The following ABL1 variants were observed in gnomAD, a reference collection of about 807,000 sequenced individuals.
ABL1 encodes the protein tyrosine-protein kinase ABL1.
ABL1 carries 11 observed loss-of-function variants against 94.7 expected under a neutral mutation model. The ratio of observed to expected loss-of-function variants is 0.12; its 90% CI spans 0.07 to 0.19. ABL1 has a LOEUF of 0.19. Ranked by LOEUF, ABL1 falls within the 10% of genes least tolerant of loss-of-function variation. The pLI is 1.00. For synonymous variants in ABL1, 656 were observed against 622.4 expected, an observed-to-expected ratio of 1.05 and a Z score of -0.80; for missense variants, 1,082 against 1,489.4, an observed-to-expected ratio of 0.73 and a Z score of 4.50.
In ABL1 at chr9:130,863,579, C is replaced by T. The variant is rs1287449597; in HGVS notation, c.822+544C>T. Among the ~76,000 whole-genome samples, 1 of 152,188 alleles carries T rather than the reference C, an allele frequency of 6.6e-6. No individual in the cohort carries two copies. The highest frequency in any genetic ancestry group is 2.4e-5 in the African/African-American group (1 of 41,434). ...CCGCTAGAAAGGCATCCAGGAAACT[C>T]GCTTTTGACCAACTCAGATACAGTC... is the stretch of plus-strand genomic sequence containing the variant. On this transcript the variant is annotated intron_variant, in intron 4 of 10. Coordinates refer to ENST00000318560, the MANE Select transcript of ABL1 (RefSeq NM_005157.6). This position sits in a 1 kb window ranked among gnomAD's most constrained non-coding sequence, Gnocchi z 4.3.
intron 1 of ABL1, among the ~76,000 whole-genome samples, chr9:130,733,272 T>A (rs1310784605): frequency 1.3e-5 from 2 of 152,184 alleles, no homozygotes; most frequent in African/African-American, 4.8e-5. Flanking sequence ...TATCAAGAGT[T>A]TAGTCAAAAC....
At position 130,856,461 on chromosome 9, in the gene ABL1, A is replaced by G. The variant is rs142710414; in HGVS notation, c.549+1365A>G. On this transcript the variant is annotated intron_variant, in intron 3 of 10. Coordinates refer to ENST00000318560, the MANE Select transcript of ABL1 (RefSeq NM_005157.6). ...AGTCTCAAACTATTGAGCTCAAGCA[A>G]TCTGCCCTCCTCGGCCTCCCAAAAT... Among the ~76,000 whole-genome samples, 284 of 152,266 alleles carry G rather than the reference A, an allele frequency of 1.9e-3. 1 individual carries two copies. The highest frequency in any genetic ancestry group is 6.3e-3 in the African/African-American group (264 of 41,576).
At chr9:130,818,716 C>T (rs1429745699) in intron 1 of ABL1, among the ~76,000 whole-genome samples, 1 of 152,170 alleles carries the variant, frequency 6.6e-6, no homozygotes. Context: ...TGTTCTAGCA[C>T]CATTTGTTCA....
In ABL1 at chr9:130,837,313, G is replaced by C. The variant is rs574536980; in HGVS notation, c.79+1788G>C. 4.6e-5 allele frequency among the ~76,000 whole-genome samples: 7 copies of C among 152,264 alleles called. No individual in the cohort carries two copies. In the South Asian group the frequency reaches 1.2e-3, roughly 27 times the overall value. On this transcript the variant is annotated intron_variant, in intron 1 of 10. Transcript: ENST00000318560. ...TACATCTGTATCGAGTTAGTGTTAG[G>C]CATCATCATCTCCACTTTGCAGATG...
At chr9:130,867,824 G>A (rs1831181391) in intron 4 of ABL1, among the ~76,000 whole-genome samples, 1 of 152,200 alleles carries the variant, frequency 6.6e-6, no homozygotes, top group Non-Finnish European at 1.5e-5. Context: ...CCAGGGAGAT[G>A]AGTTCTGGGG....
chr9:130,738,415 C>T (rs886455863), intron 1 of ABL1, among the ~76,000 whole-genome samples: 30 of 151,964 alleles, frequency 2.0e-4, no homozygotes, highest in African/African-American at 1.7e-4. Flanking sequence ...ACTAGCAATC[C>T]GGAGTTTATA....
chr9:130,875,446 CT>C (rs34709473), intron 7 of ABL1, among the ~76,000 whole-genome samples: 39,797 of 144,996 alleles, frequency 0.27, 7,776 homozygotes, highest in African/African-American at 0.56. Context: ...CACAGCCACC[CT>C]TTTTTTTTTT....
At chr9:130,718,385 T>G (rs1298104457) in intron 1 of ABL1, among the ~76,000 whole-genome samples, 1 of 151,394 alleles carries the variant, frequency 6.6e-6, no homozygotes, top group Non-Finnish European at 1.5e-5. Context: ...GAACAATATC[T>G]ACGGTTATCT....
intron 1 of ABL1, among the ~76,000 whole-genome samples, chr9:130,818,516 G>A (rs189071038): frequency 3.3e-5 from 5 of 152,140 alleles, no homozygotes; most frequent in Admixed American, 3.3e-4. Context: ...TTTCTCTTAA[G>A]TTTCATGCAT....
chr9:130,838,101 A>G (rs1395706219), intron 1 of ABL1, among the ~76,000 whole-genome samples: 1 of 152,254 alleles, frequency 6.6e-6, no homozygotes, highest in Non-Finnish European at 1.5e-5. Context: ...TGATATAGTT[A>G]TATTTCATGA....
At position 130,886,176 on chromosome 9, in the gene ABL1, G is replaced by A. The variant is rs1165548357; in HGVS notation, c.*493G>A. Reference sequence around the variant, plus strand: ...TCCCTGGCCTTGCCCGTCGTGTGCTGAAGACATGTTTCAAGAACCGCATTT... The same window carrying A: ...TCCCTGGCCTTGCCCGTCGTGTGCTAAAGACATGTTTCAAGAACCGCATTT... On this transcript the variant is annotated 3_prime_UTR_variant, in exon 11 of 11. Transcript: ENST00000318560. 4.1e-6 allele frequency: 1 copy of A among 242,254 alleles called. No individual in the cohort carries two copies. Among genetic ancestry groups the A allele is most frequent in the African/African-American group, 2.2e-5 (1 of 45,580 alleles). The allele number at this position is 242,254 out of a possible 1,614,324, so 15.0% of individuals were successfully genotyped here.
rs774938014 is a variant in ABL1, at chr9:130,854,050, C to G, written c.80-14C>G. On this transcript the variant is annotated splice_polypyrimidine_tract_variant and intron_variant, in intron 1 of 10. Coordinates refer to ENST00000318560, the MANE Select transcript of ABL1 (RefSeq NM_005157.6). ...TTCCTTTTTCTTTTTTCTGTTCCCCCCTTTCTCTTCCAGAAGCCCTTCAGC... is the reference window on the plus strand; with the variant it reads ...TTCCTTTTTCTTTTTTCTGTTCCCCGCTTTCTCTTCCAGAAGCCCTTCAGC... 2.6e-5 allele frequency: 41 copies of G among 1,587,532 alleles called. No individual in the cohort carries two copies. The highest frequency in any genetic ancestry group is 3.2e-5 in the Non-Finnish European group (37 of 1,168,140).
At chr9:130,733,881 C>G (rs1015527390) in intron 1 of ABL1, among the ~76,000 whole-genome samples, 1 of 152,138 alleles carries the variant, frequency 6.6e-6, no homozygotes, top group Admixed American at 6.5e-5. Flanking sequence ...TGAGCCACTA[C>G]GCCTGGCCTG....
intron 1 of ABL1, among the ~76,000 whole-genome samples, chr9:130,808,244 CTTCTT>C (rs1487741926): frequency 3.8e-4 from 37 of 98,624 alleles, no homozygotes; most frequent in Admixed American, 5.0e-4. Flanking sequence ...TCTTCTTCTT[CTTCTT>C]TTTTTTTTTT....
chr9:130,773,313 C>T lies in ABL1; in HGVS notation c.136+58858C>T, dbSNP rs536492614. On this transcript the variant is annotated intron_variant, in intron 1 of 10. Coordinates refer to the ABL1 transcript ENST00000372348. ...CAGCCTGGGCAACAAGAGTGAAACTCCATCTCGAATTTAAAAAAAAATTTA... is the reference window on the plus strand; with the variant it reads ...CAGCCTGGGCAACAAGAGTGAAACTTCATCTCGAATTTAAAAAAAAATTTA... Among the ~76,000 whole-genome samples the T allele has an allele frequency of 4.6e-5, 7 of 151,784 alleles. No individual in the cohort carries two copies. In the South Asian group the frequency reaches 1.2e-3, roughly 27 times the overall value.
At position 130,747,947 on chromosome 9, in the gene ABL1, A is replaced by G. The variant is rs1449941820; in HGVS notation, c.136+33492A>G. Among the ~76,000 whole-genome samples, 3 of 152,146 alleles carry G rather than the reference A, an allele frequency of 2.0e-5. 1 individual carries two copies. Among genetic ancestry groups the G allele is most frequent in the South Asian group, 4.1e-4 (2 of 4,830 alleles). ...TGGGTCACTAGGTCATATGGTTAGT[A>G]TGTGTTTAATTTCATGAGAAATTGC... On this transcript the variant is annotated intron_variant, in intron 1 of 10. Transcript: ENST00000372348.
chr9:130,729,238 C>T (rs1831631048), intron 1 of ABL1, among the ~76,000 whole-genome samples: 1 of 152,150 alleles, frequency 6.6e-6, no homozygotes, highest in Non-Finnish European at 1.5e-5. Flanking sequence ...GAATGTCTTC[C>T]AGCACTGTGA....
intron 1 of ABL1, among the ~76,000 whole-genome samples, chr9:130,765,947 G>A (rs1444154597): frequency 1.3e-5 from 2 of 152,246 alleles, no homozygotes; most frequent in Non-Finnish European, 2.9e-5. Context: ...CAGTCACAAG[G>A]ACAGGGTGTT....
rs181108286 is a variant in ABL1, at chr9:130,721,755, A to G, written c.136+7300A>G. Among the ~76,000 whole-genome samples the G allele has an allele frequency of 2.2e-4, 34 of 152,110 alleles. No individual in the cohort carries two copies. The East Asian group carries it at 6.0e-3, about 27-fold the overall frequency. ...TATACTAAGTATCTGTATACATTAG[A>G]AGGTGGGAGGAAGTGCAATTATTGG... On this transcript the variant is annotated intron_variant, in intron 1 of 10. Coordinates refer to the ABL1 transcript ENST00000372348.
Sources: gnomAD v4.1 joint callset for allele counts (sites outside exome capture counted in the v4.1 genomes callset) on GRCh38, gnomAD v4.1.1 for gene constraint, Gnocchi (gnomAD v3.1) non-coding constraint, MANE v1.5 for transcripts, NCBI Gene and HGNC (gene_info 2026-07-23, HGNC 2026-07-21) for gene names.